MPDZ: variants seen among roughly 807,000 people sequenced by gnomAD.
MPDZ encodes multiple PDZ domain crumbs cell polarity complex component.
In MPDZ, 234 loss-of-function variants were observed where a neutral mutation model predicts 239.1. That is an observed-to-expected ratio of 0.98 (90% CI 0.88 to 1.09). MPDZ has a LOEUF of 1.09. Ranked by LOEUF, MPDZ falls within the 50% of genes least tolerant of loss-of-function variation. The pLI is 0.00. For missense variants in MPDZ, 3,175 were observed against 2,510.0 expected (o/e 1.26, Z -5.66); for synonymous variants, 1,048 against 881.3 (o/e 1.19, Z -3.35).
At chr9:13,199,029 T>C (rs370701086) in intron 12 of MPDZ, among the ~76,000 whole-genome samples, 1 of 152,008 alleles carries the variant, frequency 6.6e-6, no homozygotes. Context: ...TCCATGATCA[T>C]TCTCTACTTC....
chr9:13,138,747 G>C (rs761328361), intron 28 of MPDZ, among the ~76,000 whole-genome samples: 2 of 152,144 alleles, frequency 1.3e-5, no homozygotes, highest in Non-Finnish European at 2.9e-5. Flanking sequence ...AGAGGTGATG[G>C]TTATTGTGCA....
At chr9:13,208,198 C>T (rs1312232724) in intron 10 of MPDZ, among the ~76,000 whole-genome samples, 1 of 152,166 alleles carries the variant, frequency 6.6e-6, no homozygotes, top group Non-Finnish European at 1.5e-5. Context: ...AATCCCAGCA[C>T]TTTGGGAGGC....
chr9:13,250,400 T>C (rs1234255807), intron 1 of MPDZ, 28 bp from the exon 2 acceptor site: 1 of 1,206,522 alleles, frequency 8.3e-7, no homozygotes, highest in Non-Finnish European at 1.2e-6. Context: ...AGAATGGTTA[T>C]GTTTTATCAG....
intron 1 of MPDZ, among the ~76,000 whole-genome samples, chr9:13,273,373 T>C (rs1411936964): frequency 6.6e-6 from 1 of 152,238 alleles, no homozygotes; most frequent in East Asian, 1.9e-4. Context: ...TGATATCTTA[T>C]GAACACAGAA....
intron 18 of MPDZ, 52 bp from the exon 19 acceptor site, chr9:13,183,637 G>T: frequency 1.3e-6 from 2 of 1,564,972 alleles, no homozygotes; most frequent in Admixed American, 1.8e-5. Flanking sequence ...TTACATATAT[G>T]ACAAACAATC....
chr9:13,152,112 A>G (rs1197581743), intron 24 of MPDZ, among the ~76,000 whole-genome samples: 1 of 152,120 alleles, frequency 6.6e-6, no homozygotes, highest in East Asian at 1.9e-4. Flanking sequence ...TTCTAAGCTT[A>G]GCAACCAAAT....
At chr9:13,195,180 C>A (rs112895529) in intron 13 of MPDZ, among the ~76,000 whole-genome samples, 1 of 151,840 alleles carries the variant, frequency 6.6e-6, no homozygotes, top group Non-Finnish European at 1.5e-5. Context: ...CCAAGCTACT[C>A]GGAAGGCTGA....
intron 3 of MPDZ, among the ~76,000 whole-genome samples, chr9:13,245,340 A>C (rs1211638348): frequency 6.6e-6 from 1 of 151,842 alleles, no homozygotes; most frequent in Non-Finnish European, 1.5e-5. Context: ...AATCACAGAC[A>C]CTGTAAAAAG....
At chr9:13,266,510 T>C (rs1971825645) in intron 1 of MPDZ, among the ~76,000 whole-genome samples, 1 of 152,206 alleles carries the variant, frequency 6.6e-6, no homozygotes, top group South Asian at 2.1e-4. Context: ...TTCAGAACCC[T>C]TAAATTCAGC....
At chr9:13,254,303 A>G (rs1275094879) in intron 1 of MPDZ, among the ~76,000 whole-genome samples, 1 of 152,208 alleles carries the variant, frequency 6.6e-6, no homozygotes, top group Admixed American at 6.5e-5. Context: ...TGTAATGTTA[A>G]TGTCCATACA....
At chr9:13,114,856 T>C (rs143696964) in intron 40 of MPDZ, among the ~76,000 whole-genome samples, 1,804 of 152,120 alleles carry the variant, frequency 0.012, 43 homozygotes, top group African/African-American at 0.041. Context: ...GCTGAGATTG[T>C]GCCACTGCAC....
chr9:13,160,962 T>G (rs963296717), intron 23 of MPDZ, among the ~76,000 whole-genome samples: 2 of 148,932 alleles, frequency 1.3e-5, no homozygotes, highest in Non-Finnish European at 3.0e-5. Flanking sequence ...GCATAGGTTA[T>G]GTGCGAATAC....
In MPDZ at chr9:13,138,114, A is replaced by G; in HGVS notation, c.4043T>C (p.Leu1348Pro). 1 of 1,605,206 alleles carries G rather than the reference A, an allele frequency of 6.2e-7. No homozygotes were observed. The highest frequency in any genetic ancestry group is 8.5e-7 in the Non-Finnish European group (1 of 1,175,348). ...RERYGTLTGE[L>P]HMIELEKGHS... The stretch of plus-strand genomic sequence containing the variant: ...ACCTTTCTCCAGTTCAATCATATGC[A>G]GCTCGCCTGTTAGGGTTCCATAACG... Residue 1348 changes from leucine (L) to proline (P), a missense_variant, in exon 29 of 47, where the codon CTG (leucine) becomes CCG (proline). Physicochemically the swap from Leu to Pro is moderately conservative, Grantham distance 98 (BLOSUM62 -3). Transcript: ENST00000319217.
At chr9:13,225,497 C>T (rs1960283787) in intron 3 of MPDZ, among the ~76,000 whole-genome samples, 1 of 151,922 alleles carries the variant, frequency 6.6e-6, no homozygotes, top group Non-Finnish European at 1.5e-5. Context: ...CACTCACTCA[C>T]TGATTCACCT....
chr9:13,114,128 T>A, intron 40 of MPDZ, 107 bp from the exon 41 acceptor site: 3 of 857,718 alleles, frequency 3.5e-6, no homozygotes, highest in Non-Finnish European at 3.6e-6. Flanking sequence ...TAAGCAACAG[T>A]GGCATTTGAT....
At chr9:13,110,526 T>G in intron 44 of MPDZ, 110 bp downstream of exon 44, 1 of 762,064 alleles carries the variant, frequency 1.3e-6, no homozygotes, top group Non-Finnish European at 2.2e-6. Context: ...AAGAGAAATA[T>G]TAAATAAAAT....
intron 1 of MPDZ, among the ~76,000 whole-genome samples, chr9:13,262,377 G>GT (rs1238002722): frequency 6.6e-6 from 1 of 152,090 alleles, no homozygotes; most frequent in Admixed American, 6.5e-5. Flanking sequence ...CCGAGCTCAG[G>GT]TGGTAGAGGC....
chr9:13,257,099 T>C (rs1213052494), intron 1 of MPDZ, among the ~76,000 whole-genome samples: 1 of 152,202 alleles, frequency 6.6e-6, no homozygotes, highest in Admixed American at 6.6e-5. Flanking sequence ...TGTTCATGTA[T>C]CCTGCTAGTG....
chr9:13,199,597 C>G (rs913648109), intron 12 of MPDZ, among the ~76,000 whole-genome samples: 3 of 151,888 alleles, frequency 2.0e-5, no homozygotes, highest in Non-Finnish European at 2.9e-5. Flanking sequence ...AGAGAAAAGT[C>G]TTTGGACTTT....
Sources: allele counts gnomAD v4.1 joint callset (sites outside exome capture counted in the v4.1 genomes callset), GRCh38; gene constraint gnomAD v4.1.1; transcripts MANE v1.5; gene names NCBI Gene and HGNC (gene_info 2026-07-23, HGNC 2026-07-21).